Variants in CHST9 observed in about 807,000 individuals in gnomAD.
CHST9 encodes the protein carbohydrate sulfotransferase 9.
In CHST9, 41 loss-of-function variants were observed where a neutral mutation model predicts 44.4. That is an observed-to-expected ratio of 0.92 (90% CI 0.72 to 1.20). The LOEUF (loss-of-function observed/expected upper bound fraction) is 1.20, where lower values mean the gene tolerates loss of function less well. CHST9 is among the 50% of genes most tolerant of loss of function. CHST9 has a pLI of 0.00. For synonymous variants in CHST9, 171 were observed against 178.4 expected, an observed-to-expected ratio of 0.96 and a Z score of 0.33; for missense variants, 504 against 516.5, an observed-to-expected ratio of 0.98 and a Z score of 0.23.
intron 2 of CHST9, among the ~76,000 whole-genome samples, chr18:27,116,195 A>T (rs1251201168): frequency 6.6e-6 from 1 of 152,156 alleles, no homozygotes; most frequent in Non-Finnish European, 1.5e-5. Flanking sequence ...TGTCAGAGTT[A>T]AGGAACCCAT....
At chr18:26,920,194 A>T (rs1236621396) in intron 5 of CHST9, among the ~76,000 whole-genome samples, 1 of 152,204 alleles carries the variant, frequency 6.6e-6, no homozygotes, top group African/African-American at 2.4e-5. Context: ...GGTTATCACC[A>T]GAGCCTTTAC....
intron 4 of CHST9, among the ~76,000 whole-genome samples, chr18:27,015,879 G>A (rs2057147677): frequency 6.6e-6 from 1 of 152,142 alleles, no homozygotes; most frequent in South Asian, 2.1e-4. Flanking sequence ...TCTAAGTCCT[G>A]GATATAATTT....
At chr18:27,040,013 G>A (rs536756506) in intron 3 of CHST9, among the ~76,000 whole-genome samples, 2 of 152,210 alleles carry the variant, frequency 1.3e-5, no homozygotes, top group South Asian at 4.1e-4. Flanking sequence ...TTGCATTTCG[G>A]GGACTTTTTG....
chr18:27,004,561 G>A (rs892377975), intron 4 of CHST9, among the ~76,000 whole-genome samples: 12 of 152,070 alleles, frequency 7.9e-5, no homozygotes, highest in Non-Finnish European at 1.5e-4. Context: ...CTCTTGGAAA[G>A]ACATATGCTA....
chr18:27,064,227 C>A (rs936637619), intron 2 of CHST9, among the ~76,000 whole-genome samples: 12 of 150,840 alleles, frequency 8.0e-5, no homozygotes, highest in African/African-American at 2.9e-4. Flanking sequence ...AAAAATGTTA[C>A]AAAATTCAGA....
intron 4 of CHST9, among the ~76,000 whole-genome samples, chr18:26,999,219 G>A (rs367842328): frequency 6.2e-4 from 94 of 152,246 alleles, no homozygotes; most frequent in African/African-American, 2.1e-3. Context: ...CTTCAGATAT[G>A]GCTGTCGATT....
intron 3 of CHST9, among the ~76,000 whole-genome samples, chr18:27,047,388 T>TTGTGTGTGTGTGTGTGTGTG (rs55698484): frequency 1.3e-3 from 196 of 145,652 alleles, no homozygotes; most frequent in Non-Finnish European, 1.7e-3. Context: ...GCCTTCATAA[T>TTGTGTGTGTGTGTGTGTGTG]TGTGTGTGTG....
Position 27,161,882 on chromosome 18 carries a change from T to C in CHST9, c.-96-18977A>G, listed in dbSNP as rs2058749967. Reference sequence around the variant, plus strand: ...ATGTAATGGCCTTCTTTGTCTCTTTTGATCTTTGTTGGTTTAAAGTCTGTT... The same window carrying C: ...ATGTAATGGCCTTCTTTGTCTCTTTCGATCTTTGTTGGTTTAAAGTCTGTT... On this transcript the variant is annotated intron_variant, in intron 1 of 5. Transcript: ENST00000618847. 3.9e-5 allele frequency among the ~76,000 whole-genome samples: 6 copies of C among 152,140 alleles called. No individual in the cohort carries two copies. The South Asian group carries it at 1.0e-3, about 26-fold the overall frequency.
chr18:27,122,015 C>T (rs1414007590), intron 2 of CHST9, among the ~76,000 whole-genome samples: 1 of 152,076 alleles, frequency 6.6e-6, no homozygotes, highest in Non-Finnish European at 1.5e-5. Context: ...GTTTGAAGCT[C>T]GTGAGAGGCT....
At chr18:27,157,442 T>C (rs2058706361) in intron 1 of CHST9, among the ~76,000 whole-genome samples, 1 of 152,190 alleles carries the variant, frequency 6.6e-6, no homozygotes, top group South Asian at 2.1e-4. Flanking sequence ...TAAGTTCTAC[T>C]ATATGCTCCC....
At chr18:26,988,286 T>C (rs1412681103) in intron 4 of CHST9, among the ~76,000 whole-genome samples, 3 of 152,054 alleles carry the variant, frequency 2.0e-5, no homozygotes, top group Non-Finnish European at 2.9e-5. Flanking sequence ...TAAAGAAGCA[T>C]AGCACAACAA....
intron 2 of CHST9, among the ~76,000 whole-genome samples, chr18:27,090,631 A>G (rs1025241057): frequency 6.6e-6 from 1 of 152,164 alleles, no homozygotes; most frequent in Admixed American, 6.5e-5. Context: ...TGTAAGGTGT[A>G]AGGAAGGGAT....
chr18:27,169,199 A>T (rs1192024968), intron 1 of CHST9, among the ~76,000 whole-genome samples: 1 of 152,202 alleles, frequency 6.6e-6, no homozygotes, highest in Admixed American at 6.5e-5. Context: ...GACATGATAT[A>T]TGTATGTTGT....
intron 2 of CHST9, among the ~76,000 whole-genome samples, chr18:27,132,859 T>C (rs2143840442): frequency 6.6e-6 from 1 of 152,282 alleles, no homozygotes; most frequent in South Asian, 2.1e-4. Context: ...TTTATATAAC[T>C]CTGCTCCTTT....
intron 1 of CHST9, among the ~76,000 whole-genome samples, chr18:27,160,049 C>T (rs1045744880): frequency 2.3e-4 from 35 of 152,182 alleles, no homozygotes; most frequent in African/African-American, 8.2e-4. Context: ...ATCATGTCTT[C>T]CGCAAACAGG....
chr18:26,990,776 A>C (rs1193923489), intron 4 of CHST9, among the ~76,000 whole-genome samples: 1 of 152,202 alleles, frequency 6.6e-6, no homozygotes, highest in Admixed American at 6.5e-5. Context: ...AATGAACACA[A>C]ATTTGTTGAG....
intron 4 of CHST9, among the ~76,000 whole-genome samples, chr18:26,969,390 G>GTGTT (rs2145166573): frequency 1.5e-5 from 1 of 65,834 alleles, no homozygotes; most frequent in Admixed American, 2.0e-4. Flanking sequence ...GTGTGTGTGT[G>GTGTT]TGTGTGTGTG....
intron 4 of CHST9, among the ~76,000 whole-genome samples, chr18:27,013,631 TTAA>T (rs1280821135): frequency 1.5e-4 from 23 of 152,348 alleles, no homozygotes; most frequent in South Asian, 4.1e-4. Context: ...TACTGTGCAA[TTAA>T]TATCATTATT....
chr18:26,991,414 C>T (rs142890251), intron 4 of CHST9, among the ~76,000 whole-genome samples: 1 of 152,240 alleles, frequency 6.6e-6, no homozygotes, highest in African/African-American at 2.4e-5. Flanking sequence ...GGGAAGAAAA[C>T]TGAAAAACAT....
Sources: allele counts gnomAD v4.1 joint callset (sites outside exome capture counted in the v4.1 genomes callset), GRCh38; gene constraint gnomAD v4.1.1; transcripts MANE v1.5; gene names NCBI Gene and HGNC (gene_info 2026-07-23, HGNC 2026-07-21).